SLFNL1: variants seen among roughly 807,000 people sequenced by gnomAD.
SLFNL1 encodes schlafen-like protein 1.
In SLFNL1, 26 loss-of-function variants were observed where a neutral mutation model predicts 32.5. That is an observed-to-expected ratio of 0.80 (90% CI 0.59 to 1.11). The LOEUF (loss-of-function observed/expected upper bound fraction) is 1.11, where lower values mean the gene tolerates loss of function less well. Among genes scored for constraint, SLFNL1 ranks in the 50% least tolerant of loss-of-function variants. The pLI is 0.00. For synonymous variants in SLFNL1, 255 were observed against 242.2 expected (o/e 1.05, Z -0.49); for missense variants, 553 against 546.5 (o/e 1.01, Z -0.12).
chr1:41,016,503 C>G, intron 5 of SLFNL1: 2 of 434,002 alleles, frequency 4.6e-6, no homozygotes, highest in East Asian at 9.5e-5. Context: ...TTCTCTGTTT[C>G]CCTCTTGAAA....
rs994664673 is a variant in SLFNL1 at position 41,020,670 on chromosome 1, C to T, written c.-10G>A. 19 of 1,600,644 alleles carry T rather than the reference C, an allele frequency of 1.2e-5. No homozygotes were observed. Among genetic ancestry groups the T allele is most frequent in the Non-Finnish European group, 1.5e-5 (18 of 1,170,558 alleles). On this transcript the variant is annotated 5_prime_UTR_variant, in exon 3 of 6. Coordinates refer to ENST00000302946, the MANE Select transcript of SLFNL1 (RefSeq NM_144990.4). Reference sequence around the variant, plus strand: ...TCTTCATGGGGGTCATGGGAAGGCTCTCCCTGGGAAGGGGTTCCAGGATTC... The same window carrying T: ...TCTTCATGGGGGTCATGGGAAGGCTTTCCCTGGGAAGGGGTTCCAGGATTC...
rs760201537 is a variant in SLFNL1 at position 41,020,600 on chromosome 1, C to G, written c.61G>C (p.Gly21Arg). Residue 21 changes from glycine (G) to arginine (R), a missense_variant, in exon 3 of 6, where the codon GGT becomes CGT. Physicochemically the swap from Gly to Arg is moderately radical, Grantham distance 125. Coordinates refer to ENST00000302946, the MANE Select transcript of SLFNL1 (RefSeq NM_144990.4). The stretch of plus-strand genomic sequence containing the variant: ...GGTAGCTCCGGCAGGGACTCCTCAC[C>G]CCAGGACTCCATGAAGGGCTCTGAC... ...QVSEPFMESW[G>R]EESLPELPAE... The G allele has an allele frequency of 4.3e-6, 7 of 1,613,298 alleles. No homozygotes were observed. The African/African-American group carries it at 9.3e-5, about 22-fold the overall frequency.
At chr1:41,020,089 TG>T in intron 3 of SLFNL1, 136 bp downstream of exon 3, 1 of 867,042 alleles carries the variant, frequency 1.2e-6, no homozygotes, top group South Asian at 1.8e-5. Flanking sequence ...GTCATTTGAG[TG>T]GCAGCCCCCA....
chr1:41,017,255 G>T lies in SLFNL1; in HGVS notation c.1080C>A (p.Ala360=), dbSNP rs1246560586. The change falls in exon 5 of 6, where the codon GCC becomes GCA. Residue 360 remains alanine, a synonymous_variant. Coordinates refer to ENST00000302946, the MANE Select transcript of SLFNL1 (RefSeq NM_144990.4). This position sits in a 1 kb window ranked among gnomAD's most constrained non-coding sequence, Gnocchi z 4.9. The part of the protein sequence containing the change: ...GSIQGPLSAS[A]IQEWCRQRWL... The stretch of plus-strand genomic sequence containing the variant: ...GTACCTGCCTGCACCACTCCTGGAT[G>T]GCGCTGGCAGACAGCGGGCCCTGGA... 6.3e-7 allele frequency: 1 copy of T among 1,592,218 alleles called. No individual in the cohort carries two copies. The highest frequency in any genetic ancestry group is 8.5e-7 in the Non-Finnish European group (1 of 1,171,032).
At chr1:41,019,688 C>T (rs913332975) in intron 3 of SLFNL1, among the ~76,000 whole-genome samples, 2 of 152,220 alleles carry the variant, frequency 1.3e-5, no homozygotes, top group Non-Finnish European at 2.9e-5. Flanking sequence ...CTGGATTTCA[C>T]TTCCCCTGTT....
chr1:41,018,465 CAT>C (rs1434067711), intron 3 of SLFNL1: 4 of 313,288 alleles, frequency 1.3e-5, no homozygotes, highest in Admixed American at 9.3e-5. Flanking sequence ...GGTGCTGGGA[CAT>C]GTGTGGGCCC....
Position 41,017,183 on chromosome 1 carries a change from G to A in SLFNL1, c.1101+51C>T. On this transcript the variant is annotated intron_variant, in intron 5 of 5. Transcript: ENST00000302946. The surrounding 1 kb of genome is among the most constrained non-coding windows in gnomAD (Gnocchi z 4.9). Reference sequence around the variant, plus strand: ...GGGCTGCTCAGTGGGTGGCTGAAGGGGTCTGGGGTCAGCTCCGCTCCACCC... The same window carrying A: ...GGGCTGCTCAGTGGGTGGCTGAAGGAGTCTGGGGTCAGCTCCGCTCCACCC... 2 of 1,511,794 alleles carry A rather than the reference G, an allele frequency of 1.3e-6. No individual in the cohort carries two copies. The highest frequency in any genetic ancestry group is 1.8e-6 in the Non-Finnish European group (2 of 1,132,850). The allele number at this position is 1,511,794 out of a possible 1,614,324, so 93.6% of individuals were successfully genotyped here.
At position 41,017,510 on chromosome 1, in the gene SLFNL1, G is replaced by T; in HGVS notation, c.957+125C>A. 1.3e-6 allele frequency: 2 copies of T among 1,490,630 alleles called. No individual in the cohort carries two copies. Among genetic ancestry groups the T allele is most frequent in the Non-Finnish European group, 8.9e-7 (1 of 1,118,424 alleles). 92.3% of individuals were successfully genotyped at this position (1,490,630 alleles called of 1,614,324 possible). A position where few individuals can be genotyped will look rare whatever the true frequency, so the allele number is the denominator to read the frequency against. On this transcript the variant is annotated intron_variant, in intron 4 of 5. Coordinates refer to ENST00000302946, the MANE Select transcript of SLFNL1 (RefSeq NM_144990.4). The surrounding 1 kb of genome is among the most constrained non-coding windows in gnomAD (Gnocchi z 4.9). ...AGGGCTGGCACAGGGGCCATCCCCA[G>T]CCTCTTCTCCTGTGGCCCCCAGTCC...
At position 41,016,218 on chromosome 1, in the gene SLFNL1, A is replaced by T; in HGVS notation, c.1112T>A (p.Val371Glu). 6.2e-7 allele frequency: 1 copy of T among 1,613,724 alleles called. No homozygotes were observed. Among genetic ancestry groups the T allele is most frequent in the Non-Finnish European group, 8.5e-7 (1 of 1,179,884 alleles). ...CTTCTCTTCCAGCTTGCCCAGCTCC[A>T]CCAGCCACCTCTGAGGGGACATGGG... Reference protein sequence around the residue: ...IQEWCRQRWLVELGKLEEKMK... With the variant: ...IQEWCRQRWLEELGKLEEKMK... Residue 371 changes from valine to glutamate, a missense_variant, in exon 6 of 6, where the codon GTG (valine) becomes GAG (glutamate). Coordinates refer to ENST00000302946, the MANE Select transcript of SLFNL1 (RefSeq NM_144990.4).
rs763876241 is a variant in SLFNL1 at position 41,017,796 on chromosome 1, C to T, written c.796G>A (p.Gly266Ser). ...GSLLVGVEDS[G>S]LVQGIRCSHR... is the part of the protein sequence containing the mutation. ...CTGCAGCGGATGCCCTGCACCAGGC[C>T]GCTGTCCTCTACTCCCACGAGCAGG... The change falls in exon 4 of 6, where the codon GGC becomes AGC. Residue 266 changes from glycine (G) to serine (S), a missense_variant. By Grantham distance (56) the Gly-to-Ser change is moderately conservative. Transcript: ENST00000302946. The surrounding 1 kb of genome is among the most constrained non-coding windows in gnomAD (Gnocchi z 4.9). 1.8e-5 allele frequency: 29 copies of T among 1,603,264 alleles called. No homozygotes were observed. Among genetic ancestry groups the T allele is most frequent in the Admixed American group, 1.2e-4 (7 of 59,588 alleles).
chr1:41,016,140 T>C lies in SLFNL1; in HGVS notation c.1190A>G (p.His397Arg). Reference sequence around the variant, plus strand: ...ACAGCAGGTGCAGGACACAGGCCCGTGCTGCTGCAGCTGCTGCTGGAGCTG... The same window carrying C: ...ACAGCAGGTGCAGGACACAGGCCCGCGCTGCTGCAGCTGCTGCTGGAGCTG... The part of the protein sequence containing the change: ...KEQLQQQLQQ[H>R]GPVSCTCCVL The change falls in exon 6 of 6, where the codon CAC (histidine) becomes CGC (arginine). Residue 397 changes from histidine (H) to arginine (R), a missense_variant. By Grantham distance (29) the His-to-Arg change is conservative. Coordinates refer to ENST00000302946, the MANE Select transcript of SLFNL1 (RefSeq NM_144990.4). 1.2e-6 allele frequency: 2 copies of C among 1,614,174 alleles called. No homozygotes were observed. Among genetic ancestry groups the C allele is most frequent in the Non-Finnish European group, 1.7e-6 (2 of 1,179,994 alleles).
intron 3 of SLFNL1, among the ~76,000 whole-genome samples, chr1:41,019,258 A>T (rs2148450067): frequency 6.6e-6 from 1 of 152,316 alleles, no homozygotes; most frequent in East Asian, 1.9e-4. Context: ...AGATGAATTT[A>T]TCAGTCTTAG....
chr1:41,018,212 A>T, intron 3 of SLFNL1, 56 bp from the exon 4 acceptor site: 1 of 1,421,432 alleles, frequency 7.0e-7, no homozygotes, highest in Non-Finnish European at 9.2e-7. Context: ...GGGAGCCCTG[A>T]CCCTGAGAAG....
rs775106588 is a variant in SLFNL1 at position 41,020,679 on chromosome 1, A to G, written c.-19T>C. On this transcript the variant is annotated 5_prime_UTR_variant, in exon 3 of 6. Coordinates refer to ENST00000302946, the MANE Select transcript of SLFNL1 (RefSeq NM_144990.4). ...GGGTCATGGGAAGGCTCTCCCTGGG[A>G]AGGGGTTCCAGGATTCCTCACTGCT... is the stretch of plus-strand genomic sequence containing the variant. 6.3e-7 allele frequency: 1 copy of G among 1,597,362 alleles called. No homozygotes were observed.
At position 41,017,396 on chromosome 1, in the gene SLFNL1, A is replaced by G; in HGVS notation, c.958-19T>C. On this transcript the variant is annotated intron_variant, in intron 4 of 5. Transcript: ENST00000302946. This position sits in a 1 kb window ranked among gnomAD's most constrained non-coding sequence, Gnocchi z 4.9. ...GGATCACCTTGGTAGGGGCAACAGC[A>G]GCTCTGGAGGCGCCGCCCCTCACGG... 6 of 1,607,602 alleles carry G rather than the reference A, an allele frequency of 3.7e-6. No homozygotes were observed. Among genetic ancestry groups the G allele is most frequent in the South Asian group, 1.1e-5 (1 of 90,730 alleles).
chr1:41,020,004 A>G (rs1441500921), intron 3 of SLFNL1, among the ~76,000 whole-genome samples: 1 of 152,222 alleles, frequency 6.6e-6, no homozygotes, highest in Admixed American at 6.5e-5. Flanking sequence ...GCCTTTCTTC[A>G]CACAAACGTC....
At chr1:41,016,467 C>T (rs377596021) in intron 5 of SLFNL1, 2 of 545,654 alleles carry the variant, frequency 3.7e-6, no homozygotes, top group African/African-American at 3.8e-5. Flanking sequence ...CCATGTGCCT[C>T]CTCACTGTTG....
rs1558191108 is a variant in SLFNL1 at position 41,017,189 on chromosome 1, G to A, written c.1101+45C>T. 1.3e-6 allele frequency: 2 copies of A among 1,516,538 alleles called. No homozygotes were observed. Among genetic ancestry groups the A allele is most frequent in the Non-Finnish European group, 1.8e-6 (2 of 1,135,190 alleles). 93.9% of individuals were successfully genotyped at this position (1,516,538 alleles called of 1,614,324 possible). Reference sequence around the variant, plus strand: ...CTCAGTGGGTGGCTGAAGGGGTCTGGGGTCAGCTCCGCTCCACCCCACCCA... The same window carrying A: ...CTCAGTGGGTGGCTGAAGGGGTCTGAGGTCAGCTCCGCTCCACCCCACCCA... On this transcript the variant is annotated intron_variant, in intron 5 of 5. Transcript: ENST00000302946. The surrounding 1 kb of genome is among the most constrained non-coding windows in gnomAD (Gnocchi z 4.9).
chr1:41,018,008 A>G lies in SLFNL1; in HGVS notation c.584T>C (p.Val195Ala). The G allele has an allele frequency of 5.0e-6, 8 of 1,604,848 alleles. No individual in the cohort carries two copies. Among genetic ancestry groups the G allele is most frequent in the Non-Finnish European group, 6.8e-6 (8 of 1,176,504 alleles). Residue 195 changes from valine (V) to alanine (A), a missense_variant, in exon 4 of 6, where the codon GTG becomes GCG. By Grantham distance (64) the Val-to-Ala change is moderately conservative (BLOSUM62 0). Coordinates refer to ENST00000302946, the MANE Select transcript of SLFNL1 (RefSeq NM_144990.4). ...GTGCACAATGGCACTGTCGGAGCACACGCCGCTGGGCCGGCCCTGGCAGCT... is the reference window on the plus strand; with the variant it reads ...GTGCACAATGGCACTGTCGGAGCACGCGCCGCTGGGCCGGCCCTGGCAGCT... ...LQSCQGRPSG[V>A]CSDSAIVHQQ...
Sources: gnomAD v4.1 joint callset for allele counts (sites outside exome capture counted in the v4.1 genomes callset) on GRCh38, gnomAD v4.1.1 for gene constraint, Gnocchi (gnomAD v3.1) non-coding constraint, MANE v1.5 for transcripts, NCBI Gene and HGNC (gene_info 2026-07-23, HGNC 2026-07-21) for gene names.